The following DOC2B variants were observed in gnomAD, a reference collection of about 807,000 sequenced individuals.
The protein encoded by DOC2B is double C2 domain beta, also known as double C2-like domain-containing protein beta.
In DOC2B, 21 loss-of-function variants were observed where a neutral mutation model predicts 28.9. The ratio of observed to expected loss-of-function variants is 0.73; its 90% CI spans 0.52 to 1.05. The LOEUF is 1.05. Ranked by LOEUF, DOC2B falls within the 50% of genes least tolerant of loss-of-function variation. DOC2B has a pLI of 0.00. For synonymous variants in DOC2B, 194 were observed against 178.1 expected (o/e 1.09, Z -0.71); for missense variants, 384 against 421.1 (o/e 0.91, Z 0.77).
At chr17:158,083 G>A (rs2040156240) in intron 5 of DOC2B, among the ~76,000 whole-genome samples, 1 of 152,154 alleles carries the variant, frequency 6.6e-6, no homozygotes, top group South Asian at 2.1e-4. Flanking sequence ...CAAGTAGGGA[G>A]CCCATCCAGT....
chr17:178,629 T>A, intron 1 of DOC2B, among the ~76,000 whole-genome samples: 1 of 152,230 alleles, frequency 6.6e-6, no homozygotes, highest in East Asian at 1.9e-4. Context: ...TCATCGCCCC[T>A]CTTCGAGATC....
rs1464758628 is a variant in DOC2B, at chr17:146,843, T to C, written c.*598A>G. ...GGGAACTCCCTGAGGGCAGGCCCTG[T>C]GTCTCATTCACCCCCAGGGCTTGTG... On this transcript the variant is annotated 3_prime_UTR_variant, in exon 9 of 9. Transcript: ENST00000613549. The C allele has an allele frequency of 6.6e-6, 1 of 152,304 alleles. No individual in the cohort carries two copies. The highest frequency in any genetic ancestry group is 1.9e-4 in the East Asian group (1 of 5,200). 9.4% of individuals were successfully genotyped at this position (152,304 alleles called of 1,614,324 possible). A position where few individuals can be genotyped will look rare whatever the true frequency, so the allele number is the denominator to read the frequency against.
intron 2 of DOC2B, among the ~76,000 whole-genome samples, chr17:170,780 GGGGAGCACCAGGGGC>G: frequency 6.6e-6 from 1 of 151,652 alleles, no homozygotes; most frequent in Non-Finnish European, 1.5e-5. Flanking sequence ...AGGCTGCAGA[GGGGAGCACCAGGGGC>G]CGGGCCAGGC....
intron 5 of DOC2B, 101 bp downstream of exon 5, chr17:161,314 C>T: frequency 7.9e-7 from 1 of 1,260,526 alleles, no homozygotes. Flanking sequence ...CCTCCCCTCT[C>T]ACTCTGCCCC....
At chr17:155,886 G>A in intron 6 of DOC2B, 1 of 328,768 alleles carries the variant, frequency 3.0e-6, no homozygotes, top group Non-Finnish European at 5.5e-6. Flanking sequence ...GCTACCCCCG[G>A]CACTGGCCCC....
At chr17:159,719 C>T (rs1045543614) in intron 5 of DOC2B, among the ~76,000 whole-genome samples, 4 of 152,140 alleles carry the variant, frequency 2.6e-5, no homozygotes, top group South Asian at 2.1e-4. Flanking sequence ...AGTCCCTGAA[C>T]GGCACCAATG....
At chr17:150,862 G>A (rs2040065139) in intron 6 of DOC2B, among the ~76,000 whole-genome samples, 1 of 152,182 alleles carries the variant, frequency 6.6e-6, no homozygotes, top group Non-Finnish European at 1.5e-5. Context: ...CAAACTCCTG[G>A]TACATGCAAC....
Position 148,237 on chromosome 17 carries a change from C to A in DOC2B, c.1038G>T (p.Leu346=), listed in dbSNP as rs897965864. ...CGGTGACCTCCAGGGACTTCTTGGC[C>A]AGGTCCCCATGCTTGATCTCGTAAC... The part of the protein sequence containing the change: ...EFCYEIKHGD[L]AKKSLEVTVW... The change falls in exon 8 of 9, where the codon CTG becomes CTT. Residue 346 remains leucine, a synonymous_variant. Coordinates refer to ENST00000613549, the MANE Select transcript of DOC2B (RefSeq NM_003585.5). 12 of 398,484 alleles carry A rather than the reference C, an allele frequency of 3.0e-5. No homozygotes were observed. The highest frequency in any genetic ancestry group is 2.3e-4 in the African/African-American group (11 of 48,598). 24.7% of individuals were successfully genotyped at this position (398,484 alleles called of 1,614,324 possible).
Position 145,617 on chromosome 17 carries a change from G to C in DOC2B, c.*1824C>G, listed in dbSNP as rs1172501864. The C allele has an allele frequency of 1.3e-5, 2 of 152,416 alleles. No homozygotes were observed. The highest frequency in any genetic ancestry group is 6.5e-5 in the Admixed American group (1 of 15,280). The allele number at this position is 152,416 out of a possible 1,614,324, so 9.4% of individuals were successfully genotyped here. On this transcript the variant is annotated 3_prime_UTR_variant, in exon 9 of 9. Coordinates refer to ENST00000613549, the MANE Select transcript of DOC2B (RefSeq NM_003585.5). ...CCTGGGAAAGGCCTGATGGGCACTTGGTAGGATTCAAATCATAACCCTGGA... is the reference window on the plus strand; with the variant it reads ...CCTGGGAAAGGCCTGATGGGCACTTCGTAGGATTCAAATCATAACCCTGGA...
At chr17:180,166 C>G (rs564808392) in intron 1 of DOC2B, among the ~76,000 whole-genome samples, 3 of 152,374 alleles carry the variant, frequency 2.0e-5, no homozygotes, top group Admixed American at 2.0e-4. Context: ...GGAGCCACAG[C>G]TGAGCTAGGA....
chr17:153,328 ACT>A (rs918087918), intron 6 of DOC2B, among the ~76,000 whole-genome samples: 38 of 152,136 alleles, frequency 2.5e-4, no homozygotes, highest in Non-Finnish European at 4.4e-4. Context: ...AGCAGGTAAG[ACT>A]CTGCTTTCTG....
chr17:181,541 G>A lies in DOC2B; in HGVS notation c.-62C>T. The A allele has an allele frequency of 8.7e-6, 8 of 915,164 alleles. No individual in the cohort carries two copies. Among genetic ancestry groups the A allele is most frequent in the Non-Finnish European group, 1.0e-5 (8 of 769,046 alleles). The allele number at this position is 915,164 out of a possible 1,614,324, so 56.7% of individuals were successfully genotyped here. A position where few individuals can be genotyped will look rare whatever the true frequency, so the allele number is the denominator to read the frequency against. On this transcript the variant is annotated 5_prime_UTR_variant, in exon 1 of 9. Transcript: ENST00000613549. The surrounding 1 kb of genome is among the most constrained non-coding windows in gnomAD (Gnocchi z 7.0). ...CCGGCGCGACCCCGGCCCGGGGGCGGCTCAGCAGGCCCGGCGGGGCGCGGC... is the reference window on the plus strand; with the variant it reads ...CCGGCGCGACCCCGGCCCGGGGGCGACTCAGCAGGCCCGGCGGGGCGCGGC...
intron 8 of DOC2B, 132 bp from the exon 9 acceptor site, chr17:147,709 A>G (rs1365038714): frequency 5.0e-6 from 2 of 398,104 alleles, no homozygotes; most frequent in Non-Finnish European, 8.8e-6. Context: ...GAGCATGAAC[A>G]GGACCTGACC....
At chr17:170,143 A>G (rs574194087) in intron 2 of DOC2B, among the ~76,000 whole-genome samples, 1 of 152,288 alleles carries the variant, frequency 6.6e-6, no homozygotes, top group Non-Finnish European at 1.5e-5. Flanking sequence ...GGACAGAGGG[A>G]AAGGAGGAAG....
chr17:176,184 A>G (rs1001522566), intron 1 of DOC2B, among the ~76,000 whole-genome samples: 2 of 150,916 alleles, frequency 1.3e-5, no homozygotes, highest in African/African-American at 4.9e-5. Context: ...CTTAAAGCCT[A>G]CTGGCTCCCA....
At chr17:150,112 G>A (rs951134084) in intron 6 of DOC2B, among the ~76,000 whole-genome samples, 3 of 152,228 alleles carry the variant, frequency 2.0e-5, no homozygotes, top group Non-Finnish European at 4.4e-5. Context: ...AAGCACAAGC[G>A]TGGTGCTTGA....
intron 6 of DOC2B, among the ~76,000 whole-genome samples, chr17:151,698 C>T (rs762383630): frequency 5.9e-5 from 9 of 152,106 alleles, no homozygotes; most frequent in Admixed American, 1.3e-4. Context: ...TGTTTGGTGA[C>T]GGGTGAGGAG....
chr17:168,836 C>A (rs2040278464), intron 2 of DOC2B, among the ~76,000 whole-genome samples: 1 of 152,258 alleles, frequency 6.6e-6, no homozygotes, highest in Non-Finnish European at 1.5e-5. Flanking sequence ...TCACTTTCAG[C>A]CATAACTGTG....
At chr17:152,316 C>T (rs960213818) in intron 6 of DOC2B, among the ~76,000 whole-genome samples, 4 of 152,162 alleles carry the variant, frequency 2.6e-5, no homozygotes, top group African/African-American at 7.2e-5. Flanking sequence ...GCAGCCATCG[C>T]GCAGCTCAGG....
Sources: gnomAD v4.1 joint callset for allele counts (sites outside exome capture counted in the v4.1 genomes callset) on GRCh38, gnomAD v4.1.1 for gene constraint, Gnocchi (gnomAD v3.1) non-coding constraint, MANE v1.5 for transcripts, NCBI Gene and HGNC (gene_info 2026-07-23, HGNC 2026-07-21) for gene names.